SCUBE1: variants seen among roughly 807,000 people sequenced by gnomAD.
SCUBE1 encodes signal peptide, CUB and EGF-like domain-containing protein 1.
A neutral mutation model predicts 124.4 loss-of-function variants in SCUBE1; 59 were observed. The ratio of observed to expected loss-of-function variants is 0.47; its 90% CI spans 0.38 to 0.59. The LOEUF (loss-of-function observed/expected upper bound fraction) is 0.59, where lower values mean the gene tolerates loss of function less well. Among genes scored for constraint, SCUBE1 ranks in the 20% least tolerant of loss-of-function variants. SCUBE1 has a pLI of 0.00. For synonymous variants in SCUBE1, 545 were observed against 550.9 expected, an observed-to-expected ratio of 0.99 and a Z score of 0.15; for missense variants, 1,150 against 1,371.2, an observed-to-expected ratio of 0.84 and a Z score of 2.55.
rs1923615429 is a variant in SCUBE1 at position 43,255,344 on chromosome 22, G to A, written c.727+2875C>T. The A allele has an allele frequency of 1.4e-6, 1 of 740,008 alleles. No homozygotes were observed. Among genetic ancestry groups the A allele is most frequent in the South Asian group, 1.7e-5 (1 of 58,948 alleles). 45.8% of individuals were successfully genotyped at this position (740,008 alleles called of 1,614,324 possible). A position where few individuals can be genotyped will look rare whatever the true frequency, so the allele number is the denominator to read the frequency against. On this transcript the variant is annotated intron_variant, in intron 6 of 21. Coordinates refer to ENST00000360835, the MANE Select transcript of SCUBE1 (RefSeq NM_173050.5). The surrounding 1 kb of genome is among the most constrained non-coding windows in gnomAD (Gnocchi z 4.7). ...ACACGTGGGCACACCCCACAACACA[G>A]ACATATGCCCCCACACGCACACGTC...
At chr22:43,260,283 C>T (rs1397491164) in intron 5 of SCUBE1, among the ~76,000 whole-genome samples, 2 of 152,206 alleles carry the variant, frequency 1.3e-5, no homozygotes, top group Admixed American at 6.5e-5. Context: ...GTCATTTGTG[C>T]GTCTCACAGA....
chr22:43,214,047 G>GGGCCCCCCC, intron 16 of SCUBE1, 43 bp downstream of exon 16: 1 of 143,440 alleles, frequency 7.0e-6, no homozygotes, highest in Non-Finnish European at 1.3e-5. Context: ...AGGAGCCCCC[G>GGGCCCCCCC]CCCACCCCCC....
At chr22:43,250,409 C>T (rs1054547496) in intron 6 of SCUBE1, among the ~76,000 whole-genome samples, 33 of 152,324 alleles carry the variant, frequency 2.2e-4, no homozygotes, top group African/African-American at 7.7e-4. Context: ...GGGCCCTGTC[C>T]CTGCTGGAAC....
At position 43,223,196 on chromosome 22, in the gene SCUBE1, G is replaced by C; in HGVS notation, c.1228C>G (p.Arg410Gly). The C allele has an allele frequency of 6.4e-7, 1 of 1,571,778 alleles. No homozygotes were observed. The highest frequency in any genetic ancestry group is 2.3e-5 in the East Asian group (1 of 42,850). The change falls in exon 11 of 22, where the codon CGC (arginine) becomes GGC (glycine). Residue 410 changes from arginine (R) to glycine (G), a missense_variant. Transcript: ENST00000360835. The stretch of plus-strand genomic sequence containing the variant: ...TGGGCCCGGGGGGAGGTCTTGGCGC[G>C]AGAAAGACACTTGCCTGTCTCTATG... ...DCVETGKCLS[R>G]AKTSPRAQLS...
chr22:43,318,520 A>G (rs992521234), intron 3 of SCUBE1, among the ~76,000 whole-genome samples: 1 of 152,130 alleles, frequency 6.6e-6, no homozygotes, highest in African/African-American at 2.4e-5. Flanking sequence ...AAAGAAAACC[A>G]AAATGCCTGA....
rs1289511254 is a variant in SCUBE1, at chr22:43,238,960, G to A, written c.728-6C>T. 6 of 1,603,774 alleles carry A rather than the reference G, an allele frequency of 3.7e-6. No homozygotes were observed. Among genetic ancestry groups the A allele is most frequent in the Non-Finnish European group, 5.1e-6 (6 of 1,171,862 alleles). ...GTTATTGACTGCGCACGTCTCTGGG[G>A]AGGGAAAGAGACAGAGACCTCAGTT... is the stretch of plus-strand genomic sequence containing the variant. On this transcript the variant is annotated splice_polypyrimidine_tract_variant and splice_region_variant and intron_variant, in intron 6 of 21. Transcript: ENST00000360835.
intron 6 of SCUBE1, among the ~76,000 whole-genome samples, chr22:43,250,445 G>A (rs1273504970): frequency 6.6e-6 from 1 of 152,222 alleles, no homozygotes; most frequent in Non-Finnish European, 1.5e-5. Flanking sequence ...GCCAGGCACT[G>A]CTTCTTGGGC....
At chr22:43,300,632 C>T (rs529619570) in intron 3 of SCUBE1, among the ~76,000 whole-genome samples, 204 of 152,210 alleles carry the variant, frequency 1.3e-3, no homozygotes, top group Non-Finnish European at 2.6e-3. Context: ...GGATACTAGA[C>T]CCTTACCAGA....
At chr22:43,259,676 A>G (rs1483676576) in intron 5 of SCUBE1, among the ~76,000 whole-genome samples, 1 of 152,186 alleles carries the variant, frequency 6.6e-6, no homozygotes, top group Non-Finnish European at 1.5e-5. Context: ...GGAGGATGTC[A>G]AGAAAATGGC....
intron 3 of SCUBE1, among the ~76,000 whole-genome samples, chr22:43,318,635 A>G (rs1473076290): frequency 6.6e-6 from 1 of 152,230 alleles, no homozygotes; most frequent in Non-Finnish European, 1.5e-5. Context: ...GACTGATAGA[A>G]AACACACCAG....
intron 6 of SCUBE1, among the ~76,000 whole-genome samples, chr22:43,252,641 T>C (rs546821723): frequency 1.9e-3 from 292 of 152,326 alleles, no homozygotes; most frequent in African/African-American, 6.8e-3. Context: ...GCTCAGGATC[T>C]ACTGGGACGA....
At chr22:43,313,385 G>A (rs867988556) in intron 3 of SCUBE1, among the ~76,000 whole-genome samples, 7 of 152,308 alleles carry the variant, frequency 4.6e-5, no homozygotes, top group Middle Eastern at 6.8e-3. Context: ...GGTAAAGATC[G>A]GGGTCGAAGA....
intron 4 of SCUBE1, chr22:43,281,996 G>C (rs528526095): frequency 2.0e-5 from 3 of 152,492 alleles, no homozygotes; most frequent in African/African-American, 7.2e-5. Context: ...TGGAATCTTC[G>C]GTGTCAGAGG....
intron 3 of SCUBE1, among the ~76,000 whole-genome samples, chr22:43,311,097 G>A: frequency 6.6e-6 from 1 of 152,206 alleles, no homozygotes; most frequent in Non-Finnish European, 1.5e-5. Context: ...TATTGAGGTG[G>A]TTTCTTATGC....
In SCUBE1 at chr22:43,339,089, C is replaced by G; in HGVS notation, c.220+15G>C. The stretch of plus-strand genomic sequence containing the variant: ...CAGCCTCAGGGTCTGCCCGGGAGGG[C>G]CGGGCTGGACTCACCTTCACACTGC... On this transcript the variant is annotated intron_variant, in intron 2 of 21. Transcript: ENST00000360835. The G allele has an allele frequency of 6.2e-7, 1 of 1,613,010 alleles. No individual in the cohort carries two copies. Among genetic ancestry groups the G allele is most frequent in the South Asian group, 1.1e-5 (1 of 91,054 alleles).
intron 4 of SCUBE1, chr22:43,281,843 A>G (rs1055166982): frequency 2.0e-5 from 3 of 153,516 alleles, no homozygotes; most frequent in African/African-American, 7.2e-5. Flanking sequence ...CTGTCACGGC[A>G]CAGTCCAAAT....
intron 3 of SCUBE1, among the ~76,000 whole-genome samples, chr22:43,309,846 C>T (rs540637365): frequency 6.2e-4 from 94 of 152,260 alleles, no homozygotes; most frequent in African/African-American, 2.2e-3. Flanking sequence ...ACTGGCTGCT[C>T]CCGTCAACTG....
Position 43,330,635 on chromosome 22 carries a change from C to T in SCUBE1, c.220+8469G>A, listed in dbSNP as rs191546450. On this transcript the variant is annotated intron_variant, in intron 2 of 21. Coordinates refer to ENST00000360835, the MANE Select transcript of SCUBE1 (RefSeq NM_173050.5). ...TCCAGTCCAGTGCACACACATTTTA[C>T]GGATGGGCAAACTGAGGCTCAGGGG... is the stretch of plus-strand genomic sequence containing the variant. 3.9e-5 allele frequency among the ~76,000 whole-genome samples: 6 copies of T among 152,330 alleles called. No homozygotes were observed. The East Asian group carries it at 7.7e-4, about 20-fold the overall frequency.
intron 2 of SCUBE1, among the ~76,000 whole-genome samples, chr22:43,327,870 T>C (rs1926777916): frequency 6.6e-6 from 1 of 152,248 alleles, no homozygotes; most frequent in South Asian, 2.1e-4. Flanking sequence ...CTAAAGGCAT[T>C]GAATTGTATA....
Sources: allele counts gnomAD v4.1 joint callset (sites outside exome capture counted in the v4.1 genomes callset), GRCh38; gene constraint gnomAD v4.1.1; non-coding constraint Gnocchi (gnomAD v3.1); transcripts MANE v1.5; gene names NCBI Gene and HGNC (gene_info 2026-07-23, HGNC 2026-07-21).